SND1: variants seen among roughly 807,000 people sequenced by gnomAD.
The protein encoded by SND1 is staphylococcal nuclease and tudor domain containing 1.
A neutral mutation model predicts 121.7 loss-of-function variants in SND1; 38 were observed. The observed-to-expected ratio is 0.31, with a 90% CI of 0.24 to 0.41. The LOEUF is 0.41. Ranked by LOEUF, SND1 falls within the 10% of genes least tolerant of loss-of-function variation. The pLI is 1.00. For synonymous variants in SND1, 401 were observed against 447.4 expected, an observed-to-expected ratio of 0.90 and a Z score of 1.31; for missense variants, 868 against 1,184.6, an observed-to-expected ratio of 0.73 and a Z score of 3.92.
chr7:127,735,278 T>G (rs1796754979), intron 10 of SND1, among the ~76,000 whole-genome samples: 1 of 141,302 alleles, frequency 7.1e-6, no homozygotes, highest in South Asian at 2.2e-4. Context: ...TAAGCTCCTG[T>G]TTTTCAGGAT....
chr7:127,879,569 G>T (rs962381564), intron 12 of SND1, among the ~76,000 whole-genome samples: 3 of 152,224 alleles, frequency 2.0e-5, no homozygotes, highest in Non-Finnish European at 1.5e-5. Flanking sequence ...TTTCCTTCTA[G>T]ATCAGCCCCA....
At chr7:127,877,678 C>T (rs1799716124) in intron 12 of SND1, among the ~76,000 whole-genome samples, 1 of 152,022 alleles carries the variant, frequency 6.6e-6, no homozygotes, top group Non-Finnish European at 1.5e-5. Flanking sequence ...AGGGATCCAC[C>T]CACCTAGGCT....
chr7:127,842,835 A>G (rs1438242626), intron 11 of SND1, among the ~76,000 whole-genome samples: 1 of 152,114 alleles, frequency 6.6e-6, no homozygotes, highest in Non-Finnish European at 1.5e-5. Context: ...TGTTCTTAAT[A>G]ACTCTTAATC....
chr7:127,826,392 A>G (rs956441593), intron 11 of SND1, among the ~76,000 whole-genome samples: 3 of 152,096 alleles, frequency 2.0e-5, no homozygotes, highest in South Asian at 2.1e-4. Context: ...CATACTGTAT[A>G]TTGGTATCAA....
rs575093486 is a variant in SND1, at chr7:127,663,464, C to T, written c.78+11013C>T. ...TCGGCTCAGTGAAACCTCCACCTCT[C>T]GGGTTCAAGTGACTCCCCTGCCTCA... On this transcript the variant is annotated intron_variant, in intron 1 of 23. Coordinates refer to ENST00000354725, the MANE Select transcript of SND1 (RefSeq NM_014390.4). Among the ~76,000 whole-genome samples, 42 of 151,158 alleles carry T rather than the reference C, an allele frequency of 2.8e-4. No homozygotes were observed. The South Asian group carries it at 7.1e-3, about 26-fold the overall frequency.
At chr7:127,945,827 G>A (rs931209395) in intron 15 of SND1, among the ~76,000 whole-genome samples, 1 of 152,216 alleles carries the variant, frequency 6.6e-6, no homozygotes, top group African/African-American at 2.4e-5. Context: ...AGTCCTGTGA[G>A]GCAGGCACCA....
At chr7:128,080,883 C>A (rs1189432497) in intron 17 of SND1, among the ~76,000 whole-genome samples, 6 of 152,112 alleles carry the variant, frequency 3.9e-5, no homozygotes, top group Non-Finnish European at 7.4e-5. Context: ...GAGAACTCAC[C>A]TTTCCCCTCC....
intron 11 of SND1, 32 bp from the exon 12 acceptor site, chr7:127,844,292 C>A (rs1346311206): frequency 1.3e-6 from 2 of 1,583,146 alleles, no homozygotes; most frequent in Non-Finnish European, 1.7e-6. Flanking sequence ...TGCAGACTCT[C>A]AACCCTAATT....
At chr7:127,837,936 A>C (rs1353601060) in intron 11 of SND1, among the ~76,000 whole-genome samples, 1 of 152,230 alleles carries the variant, frequency 6.6e-6, no homozygotes, top group Non-Finnish European at 1.5e-5. Context: ...TGGATGGAGT[A>C]ATGGTGAGAG....
At chr7:127,684,054 G>C (rs1476061048) in intron 1 of SND1, among the ~76,000 whole-genome samples, 1 of 152,208 alleles carries the variant, frequency 6.6e-6, no homozygotes, top group East Asian at 1.9e-4. Context: ...GGTTTACTAG[G>C]CAGAGGCATT....
At chr7:127,794,559 T>C (rs1476552281) in intron 10 of SND1, among the ~76,000 whole-genome samples, 2 of 152,252 alleles carry the variant, frequency 1.3e-5, no homozygotes, top group Non-Finnish European at 2.9e-5. Context: ...AAAATGATAT[T>C]ATCCTCTGAA....
chr7:127,994,775 G>A (rs192900767), intron 16 of SND1, among the ~76,000 whole-genome samples: 47 of 152,076 alleles, frequency 3.1e-4, no homozygotes, highest in Middle Eastern at 6.8e-3. Flanking sequence ...GCAGTGGCGC[G>A]ATCTCAGCTC....
chr7:127,713,652 C>T (rs549629907), intron 9 of SND1, among the ~76,000 whole-genome samples: 2 of 152,318 alleles, frequency 1.3e-5, no homozygotes, highest in Admixed American at 1.3e-4. Context: ...CTGGATGCCT[C>T]TGGGGCTCTA....
At chr7:127,830,118 C>A (rs575378402) in intron 11 of SND1, among the ~76,000 whole-genome samples, 2 of 152,310 alleles carry the variant, frequency 1.3e-5, no homozygotes, top group African/African-American at 4.8e-5. Context: ...TGCGGTGGCT[C>A]ATGCCTGTAA....
chr7:127,931,921 A>G (rs776996080), intron 15 of SND1, among the ~76,000 whole-genome samples: 5 of 152,176 alleles, frequency 3.3e-5, no homozygotes, highest in Non-Finnish European at 4.4e-5. Context: ...TTTGCAAAAT[A>G]TTACTGCTCA....
At chr7:127,871,285 C>T (rs1423060743) in intron 12 of SND1, among the ~76,000 whole-genome samples, 2 of 152,196 alleles carry the variant, frequency 1.3e-5, no homozygotes, top group East Asian at 3.8e-4. Context: ...ATAGTAAATA[C>T]ATGCACCATT....
chr7:127,742,582 G>C (rs1171966215), intron 10 of SND1, among the ~76,000 whole-genome samples: 1 of 151,912 alleles, frequency 6.6e-6, no homozygotes, highest in Non-Finnish European at 1.5e-5. Context: ...GAAGATATGG[G>C]CGGGTGGGTA....
chr7:128,091,440 G>A (rs1793778288), intron 22 of SND1, among the ~76,000 whole-genome samples: 1 of 151,690 alleles, frequency 6.6e-6, no homozygotes, highest in Non-Finnish European at 1.5e-5. Context: ...GAACTCCTGG[G>A]CTCAAGTGAT....
At chr7:127,977,582 A>T (rs1362079855) in intron 15 of SND1, among the ~76,000 whole-genome samples, 1 of 152,208 alleles carries the variant, frequency 6.6e-6, no homozygotes, top group Non-Finnish European at 1.5e-5. Flanking sequence ...TAGTAGATTA[A>T]GCTGGTAGTG....
Sources: gnomAD v4.1 joint callset for allele counts (sites outside exome capture counted in the v4.1 genomes callset) on GRCh38, gnomAD v4.1.1 for gene constraint, MANE v1.5 for transcripts, NCBI Gene and HGNC (gene_info 2026-07-23, HGNC 2026-07-21) for gene names.